NKAIN2: variants seen among roughly 807,000 people sequenced by gnomAD.
The protein encoded by NKAIN2 is sodium/potassium-transporting ATPase subunit beta-1-interacting protein 2.
A neutral mutation model predicts 32.6 loss-of-function variants in NKAIN2; 14 were observed. The ratio of observed to expected loss-of-function variants is 0.43; its 90% CI spans 0.28 to 0.67. The LOEUF (loss-of-function observed/expected upper bound fraction) is 0.67, where lower values mean the gene tolerates loss of function less well. Among genes scored for constraint, NKAIN2 ranks in the 30% least tolerant of loss-of-function variants. The probability of loss-of-function intolerance (pLI) is 0.17; values close to 1 mark genes in which losing one functional copy is unlikely to be tolerated. For synonymous variants in NKAIN2, 80 were observed against 87.2 expected (o/e 0.92, Z 0.46); for missense variants, 198 against 258.3 (o/e 0.77, Z 1.60).
At chr6:124,159,388 G>T (rs555795964) in intron 1 of NKAIN2, among the ~76,000 whole-genome samples, 30 of 152,274 alleles carry the variant, frequency 2.0e-4, no homozygotes, top group African/African-American at 6.7e-4. Context: ...ACTAGTATTT[G>T]TACTGGTGGC....
chr6:123,999,266 CA>C (rs1779777426), intron 1 of NKAIN2, among the ~76,000 whole-genome samples: 1 of 152,046 alleles, frequency 6.6e-6, no homozygotes, highest in South Asian at 2.1e-4. Flanking sequence ...GAGATCCTGA[CA>C]TTATATTCTA....
chr6:124,658,210 A>G lies in NKAIN2; in HGVS notation c.298A>G (p.Asn100Asp). 1.2e-6 allele frequency: 2 copies of G among 1,609,496 alleles called. No individual in the cohort carries two copies. The highest frequency in any genetic ancestry group is 4.5e-5 in the East Asian group (2 of 44,800). The change falls in exon 4 of 7, where the codon AAT (asparagine) becomes GAT (aspartate). Residue 100 changes from asparagine to aspartate, a missense_variant. Transcript: ENST00000368417. ...GGAAACAGACCTTATCCTGACTTTTAATATATCAATGCACCGATCTTGGTG... is the reference window on the plus strand; with the variant it reads ...GGAAACAGACCTTATCCTGACTTTTGATATATCAATGCACCGATCTTGGTG... ...SKETDLILTF[N>D]ISMHRSWWME...
At chr6:124,583,542 C>T (rs1337721559) in intron 3 of NKAIN2, among the ~76,000 whole-genome samples, 2 of 152,074 alleles carry the variant, frequency 1.3e-5, no homozygotes, top group Non-Finnish European at 2.9e-5. Flanking sequence ...ATCTATACTA[C>T]ATAAAGCGAT....
chr6:123,890,034 T>G (rs1041755513), intron 1 of NKAIN2, among the ~76,000 whole-genome samples: 1 of 152,042 alleles, frequency 6.6e-6, no homozygotes, highest in African/African-American at 2.4e-5. Flanking sequence ...TCATCTTTGG[T>G]TCACCTCATT....
chr6:124,212,673 G>T (rs1432536151), intron 1 of NKAIN2, among the ~76,000 whole-genome samples: 1 of 152,062 alleles, frequency 6.6e-6, no homozygotes, highest in Non-Finnish European at 1.5e-5. Flanking sequence ...CCACATTTTT[G>T]AAAGGATTTA....
intron 3 of NKAIN2, among the ~76,000 whole-genome samples, chr6:124,462,091 T>A (rs113078607): frequency 1.2e-3 from 187 of 151,956 alleles, no homozygotes; most frequent in Non-Finnish European, 2.2e-3. Context: ...AATACATCCA[T>A]TTTGGAATAA....
chr6:123,977,840 TTTATC>T (rs1778709304), intron 1 of NKAIN2, among the ~76,000 whole-genome samples: 1 of 152,264 alleles, frequency 6.6e-6, no homozygotes, highest in Non-Finnish European at 1.5e-5. Context: ...TTGTTCTCCT[TTTATC>T]TTAACTTTCA....
chr6:124,017,750 T>C (rs1780650769), intron 1 of NKAIN2, among the ~76,000 whole-genome samples: 1 of 152,114 alleles, frequency 6.6e-6, no homozygotes, highest in Non-Finnish European at 1.5e-5. Context: ...CAGCTCTACC[T>C]CTGTGGCTTT....
chr6:124,708,208 T>C (rs1775208082), intron 4 of NKAIN2, among the ~76,000 whole-genome samples: 1 of 144,634 alleles, frequency 6.9e-6, no homozygotes, highest in East Asian at 2.0e-4. Flanking sequence ...TATATCTCTG[T>C]TTTGGTACCA....
intron 1 of NKAIN2, among the ~76,000 whole-genome samples, chr6:123,833,498 G>A (rs1352228874): frequency 1.3e-5 from 2 of 152,098 alleles, no homozygotes; most frequent in African/African-American, 4.8e-5. Flanking sequence ...TTTCATTGAA[G>A]CTATAGATCA....
chr6:124,349,025 A>G (rs1218393335), intron 2 of NKAIN2, among the ~76,000 whole-genome samples: 1 of 152,168 alleles, frequency 6.6e-6, no homozygotes, highest in East Asian at 1.9e-4. Flanking sequence ...AAGATTTGTT[A>G]GTACAATGTT....
chr6:124,661,688 C>G (rs1458576463), intron 4 of NKAIN2, among the ~76,000 whole-genome samples: 2 of 152,146 alleles, frequency 1.3e-5, no homozygotes, highest in South Asian at 2.1e-4. Context: ...ATATTTCGAG[C>G]TTTCTCCTTC....
chr6:124,124,457 A>T, intron 1 of NKAIN2, among the ~76,000 whole-genome samples: 1 of 152,172 alleles, frequency 6.6e-6, no homozygotes, highest in Non-Finnish European at 1.5e-5. Context: ...TTTGTTATGA[A>T]TAATAGTCCT....
intron 1 of NKAIN2, among the ~76,000 whole-genome samples, chr6:124,161,068 C>T (rs957066302): frequency 2.0e-5 from 3 of 152,060 alleles, no homozygotes; most frequent in Non-Finnish European, 4.4e-5. Context: ...TATATTAGTC[C>T]ACTTTTGCAT....
intron 3 of NKAIN2, among the ~76,000 whole-genome samples, chr6:124,485,185 A>G (rs1777605749): frequency 6.6e-6 from 1 of 152,170 alleles, no homozygotes; most frequent in South Asian, 2.1e-4. Flanking sequence ...CAGCAGCATC[A>G]CTTGGAAAGT....
intron 4 of NKAIN2, among the ~76,000 whole-genome samples, chr6:124,743,717 TAGA>T (rs1777330213): frequency 6.6e-6 from 1 of 151,876 alleles, no homozygotes; most frequent in African/African-American, 2.4e-5. Context: ...TTAGAAAAGT[TAGA>T]AGTATTGTTG....
At chr6:124,683,213 C>T (rs1542559) in intron 4 of NKAIN2, among the ~76,000 whole-genome samples, 1 of 151,918 alleles carries the variant, frequency 6.6e-6, no homozygotes, top group African/African-American at 2.4e-5. Flanking sequence ...ACATCCCATT[C>T]GCAGAAAAAG....
intron 1 of NKAIN2, among the ~76,000 whole-genome samples, chr6:123,954,756 C>T (rs149833618): frequency 1.0e-3 from 158 of 152,276 alleles, no homozygotes; most frequent in South Asian, 3.5e-3. Flanking sequence ...GATCCTTTCT[C>T]TGGCTTGTTT....
chr6:124,354,857 A>AAAC (rs1798897009), intron 2 of NKAIN2, among the ~76,000 whole-genome samples: 1 of 149,666 alleles, frequency 6.7e-6, no homozygotes, highest in Non-Finnish European at 1.5e-5. Flanking sequence ...AAAAAAAAAA[A>AAAC]AAAAACTCAA....
Sources: allele counts gnomAD v4.1 joint callset (sites outside exome capture counted in the v4.1 genomes callset), GRCh38; gene constraint gnomAD v4.1.1; transcripts MANE v1.5; gene names NCBI Gene and HGNC (gene_info 2026-07-23, HGNC 2026-07-21).